The following ELP4 variants were observed in gnomAD, a reference collection of about 807,000 sequenced individuals.
ELP4 encodes elongator acetyltransferase complex subunit 4, also known as elongator complex protein 4.
In ELP4, 51 loss-of-function variants were observed where a neutral mutation model predicts 48.9. The ratio of observed to expected loss-of-function variants is 1.04; its 90% CI spans 0.83 to 1.32. ELP4 has a LOEUF of 1.32. Among genes scored for constraint, ELP4 ranks in the 40% most tolerant of loss-of-function variants. The pLI is 0.00. For missense variants in ELP4, 519 were observed against 514.6 expected, an observed-to-expected ratio of 1.01 and a Z score of -0.08; for synonymous variants, 210 against 189.2, an observed-to-expected ratio of 1.11 and a Z score of -0.90.
intron 5 of ELP4, among the ~76,000 whole-genome samples, chr11:31,614,893 C>G (rs376172194): frequency 6.6e-6 from 1 of 152,230 alleles, no homozygotes; most frequent in East Asian, 1.9e-4. Flanking sequence ...CTGAAGAGAA[C>G]AAATGACAAC....
chr11:31,564,159 TA>T (rs772489519), intron 3 of ELP4, among the ~76,000 whole-genome samples: 227 of 152,284 alleles, frequency 1.5e-3, no homozygotes, highest in Non-Finnish European at 2.4e-3. Context: ...CTTCCAAATA[TA>T]ATAATGTATT....
At chr11:31,549,177 A>G (rs2133924076) in intron 3 of ELP4, among the ~76,000 whole-genome samples, 1 of 151,630 alleles carries the variant, frequency 6.6e-6, no homozygotes, top group South Asian at 2.1e-4. Context: ...AGCAAAAGAA[A>G]CTACCATCAG....
chr11:31,707,540 C>G (rs1317691710), intron 9 of ELP4: 2 of 152,042 alleles, frequency 1.3e-5, no homozygotes, highest in African/African-American at 4.8e-5. Context: ...ATCAATTCTA[C>G]TTGAATGGTT....
intron 6 of ELP4, among the ~76,000 whole-genome samples, chr11:31,631,146 CT>C (rs1944852556): frequency 6.6e-6 from 1 of 151,956 alleles, no homozygotes; most frequent in Non-Finnish European, 1.5e-5. Context: ...TCAATAAATT[CT>C]GCTTGAAAAA....
At chr11:31,684,549 CT>C (rs1349550696) in intron 9 of ELP4, among the ~76,000 whole-genome samples, 1 of 152,098 alleles carries the variant, frequency 6.6e-6, no homozygotes, top group Non-Finnish European at 1.5e-5. Flanking sequence ...GAGAACTACC[CT>C]ATGTCAACAT....
intron 9 of ELP4, among the ~76,000 whole-genome samples, chr11:31,667,762 T>C (rs1375931964): frequency 6.6e-6 from 1 of 152,160 alleles, no homozygotes; most frequent in African/African-American, 2.4e-5. Flanking sequence ...AGTAACTTAG[T>C]AAACTATATA....
At chr11:31,723,577 T>C (rs1592254642) in intron 9 of ELP4, among the ~76,000 whole-genome samples, 3 of 152,302 alleles carry the variant, frequency 2.0e-5, no homozygotes, top group East Asian at 1.9e-4. Context: ...ATATGTATTA[T>C]GCCAGACATT....
intron 2 of ELP4, among the ~76,000 whole-genome samples, chr11:31,529,660 A>T (rs1592086496): frequency 6.6e-6 from 1 of 152,308 alleles, no homozygotes; most frequent in South Asian, 2.1e-4. Context: ...AACATTCTCA[A>T]ACATTAAGAC....
chr11:31,705,923 G>A (rs1946621403), intron 9 of ELP4, among the ~76,000 whole-genome samples: 1 of 152,038 alleles, frequency 6.6e-6, no homozygotes, highest in Non-Finnish European at 1.5e-5. Flanking sequence ...CACAAGTATA[G>A]CTCACTGTAA....
intron 9 of ELP4, among the ~76,000 whole-genome samples, chr11:31,759,135 C>T (rs1947893116): frequency 6.6e-6 from 1 of 152,070 alleles, no homozygotes; most frequent in Non-Finnish European, 1.5e-5. Context: ...TATTCTGTTA[C>T]CTATACAACA....
At chr11:31,773,867 A>G (rs1948195768) in intron 9 of ELP4, among the ~76,000 whole-genome samples, 2 of 152,172 alleles carry the variant, frequency 1.3e-5, no homozygotes, top group Admixed American at 1.3e-4. Flanking sequence ...CTTGTTCATC[A>G]TGACTGTTAC....
At chr11:31,731,524 A>G (rs929726096) in intron 9 of ELP4, among the ~76,000 whole-genome samples, 2 of 151,504 alleles carry the variant, frequency 1.3e-5, no homozygotes, top group Non-Finnish European at 2.9e-5. Flanking sequence ...AAAGAAAAAA[A>G]GAATGAAGAA....
chr11:31,669,540 T>C (rs1294766707), intron 9 of ELP4, among the ~76,000 whole-genome samples: 1 of 152,204 alleles, frequency 6.6e-6, no homozygotes, highest in Non-Finnish European at 1.5e-5. Context: ...CCAGAGTAAC[T>C]CATAAGTTAT....
chr11:31,523,619 T>A (rs982987937), intron 2 of ELP4, among the ~76,000 whole-genome samples: 1 of 152,072 alleles, frequency 6.6e-6, no homozygotes, highest in African/African-American at 2.4e-5. Context: ...AATAAATACA[T>A]GTGAACAGAT....
At chr11:31,600,887 A>AT (rs1032287184) in intron 4 of ELP4, among the ~76,000 whole-genome samples, 2 of 151,800 alleles carry the variant, frequency 1.3e-5, no homozygotes, top group African/African-American at 4.8e-5. Flanking sequence ...AGAGTACGGT[A>AT]TTTTTTTTAC....
Position 31,783,710 on chromosome 11 carries a change from A to C in ELP4, c.*186A>C. The C allele has an allele frequency of 1.9e-6, 1 of 516,264 alleles. No individual in the cohort carries two copies. Among genetic ancestry groups the C allele is most frequent in the South Asian group, 4.9e-5 (1 of 20,284 alleles). 32.0% of individuals were successfully genotyped at this position (516,264 alleles called of 1,614,324 possible). On this transcript the variant is annotated 3_prime_UTR_variant, in exon 10 of 10. Coordinates refer to ENST00000640961, the MANE Select transcript of ELP4 (RefSeq NM_019040.5). ...GAACTAGCACAGCAGAAATACTTTT[A>C]AATTTTTCCTTCATGCTCTAGAGAA...
intron 9 of ELP4, among the ~76,000 whole-genome samples, chr11:31,745,472 G>A (rs1195161896): frequency 1.3e-5 from 2 of 152,234 alleles, no homozygotes; most frequent in East Asian, 3.9e-4. Flanking sequence ...GAGGCATCAT[G>A]CTACCTGACT....
Position 31,585,608 on chromosome 11 carries a change from T to G in ELP4, c.382-9162T>G, listed in dbSNP as rs547952928. Among the ~76,000 whole-genome samples the G allele has an allele frequency of 4.2e-4, 64 of 152,026 alleles. 1 individual carries two copies. The highest frequency in any genetic ancestry group is 1.5e-5 in the Non-Finnish European group (1 of 67,964). Reference sequence around the variant, plus strand: ...ACAAGGAAATTCCTCCGTAAGAGATTTATAGAGGAATTTAGTAAGAACATG... The same window carrying G: ...ACAAGGAAATTCCTCCGTAAGAGATGTATAGAGGAATTTAGTAAGAACATG... On this transcript the variant is annotated intron_variant, in intron 3 of 9. Transcript: ENST00000640961.
chr11:31,549,200 A>G (rs1339014107), intron 3 of ELP4, among the ~76,000 whole-genome samples: 3 of 151,362 alleles, frequency 2.0e-5, no homozygotes, highest in East Asian at 1.9e-4. Flanking sequence ...TGAACAGGCA[A>G]CCCACAAAAT....
Sources: gnomAD v4.1 joint callset for allele counts (sites outside exome capture counted in the v4.1 genomes callset) on GRCh38, gnomAD v4.1.1 for gene constraint, MANE v1.5 for transcripts, NCBI Gene and HGNC (gene_info 2026-07-23, HGNC 2026-07-21) for gene names.